Variants in PIK3C2G observed in about 807,000 individuals in gnomAD.
The protein encoded by PIK3C2G is phosphatidylinositol-4-phosphate 3-kinase catalytic subunit type 2 gamma.
In PIK3C2G, 168 loss-of-function variants were observed where a neutral mutation model predicts 181.1. The ratio of observed to expected loss-of-function variants is 0.93; its 90% CI spans 0.82 to 1.05. The LOEUF is 1.05. Among genes scored for constraint, PIK3C2G ranks in the 50% least tolerant of loss-of-function variants. The pLI is 0.00. For synonymous variants in PIK3C2G, 573 were observed against 592.2 expected, an observed-to-expected ratio of 0.97 and a Z score of 0.47; for missense variants, 1,869 against 1,732.8, an observed-to-expected ratio of 1.08 and a Z score of -1.40.
intron 5 of PIK3C2G, among the ~76,000 whole-genome samples, chr12:18,298,276 C>G (rs922023340): frequency 3.3e-5 from 5 of 151,758 alleles, no homozygotes; most frequent in Non-Finnish European, 7.4e-5. Context: ...GCTCTGATGA[C>G]TAGTGATTTG....
At chr12:18,705,443 C>A in the PIK3C2G span, 1 of 1,106,066 alleles carries the variant, frequency 9.0e-7, no homozygotes, top group South Asian at 1.4e-5. Context: ...AATAACTATT[C>A]TTTAAACTGA....
the PIK3C2G span, among the ~76,000 whole-genome samples, chr12:18,666,309 C>A: frequency 4.0e-5 from 6 of 151,854 alleles, no homozygotes; most frequent in Non-Finnish European, 5.9e-5. Context: ...TGGCAAAATG[C>A]ATTAAGAAGC....
intron 24 of PIK3C2G, among the ~76,000 whole-genome samples, chr12:18,525,526 A>T (rs1347497668): frequency 6.6e-6 from 1 of 152,152 alleles, no homozygotes; most frequent in Non-Finnish European, 1.5e-5. Context: ...TATTTCATCA[A>T]GTCATCCCTA....
intron 30 of PIK3C2G, among the ~76,000 whole-genome samples, chr12:18,602,940 C>G (rs921417690): frequency 9.2e-5 from 14 of 152,062 alleles, no homozygotes; most frequent in African/African-American, 1.4e-4. Context: ...GAAAACCAAC[C>G]CTGGTAATAT....
chr12:18,396,739 A>G (rs60827195), intron 15 of PIK3C2G, among the ~76,000 whole-genome samples: 2,395 of 151,696 alleles, frequency 0.016, 73 homozygotes, highest in African/African-American at 0.055. Flanking sequence ...AATTTTATTT[A>G]CAGAAAAGTG....
chr12:18,537,789 A>C (rs1022767098), intron 24 of PIK3C2G, among the ~76,000 whole-genome samples: 1 of 152,034 alleles, frequency 6.6e-6, no homozygotes, highest in African/African-American at 2.4e-5. Context: ...CTGTTCGATC[A>C]TATCAAAATT....
At chr12:18,309,249 T>C (rs1315550598) in intron 5 of PIK3C2G, among the ~76,000 whole-genome samples, 1 of 151,890 alleles carries the variant, frequency 6.6e-6, no homozygotes, top group Non-Finnish European at 1.5e-5. Flanking sequence ...GATTGTCATT[T>C]AGACAAATAT....
intron 18 of PIK3C2G, among the ~76,000 whole-genome samples, chr12:18,456,707 C>T (rs949364646): frequency 6.6e-6 from 1 of 152,128 alleles, no homozygotes; most frequent in African/African-American, 2.4e-5. Flanking sequence ...TTCCTATTGG[C>T]ACAGTTGTTG....
chr12:18,353,025 GCATGTTCTCA>G (rs1277881349), intron 11 of PIK3C2G, among the ~76,000 whole-genome samples: 2 of 152,172 alleles, frequency 1.3e-5, no homozygotes, highest in African/African-American at 4.8e-5. Flanking sequence ...AAACAGGAAT[GCATGTTCTCA>G]CTTTGGGCCG....
chr12:18,330,303 C>T (rs1324304126), intron 8 of PIK3C2G, among the ~76,000 whole-genome samples: 3 of 152,062 alleles, frequency 2.0e-5, no homozygotes, highest in Non-Finnish European at 2.9e-5. Flanking sequence ...TGCCCAACTG[C>T]GTCTTTACAG....
upstream of PIK3C2G, among the ~76,000 whole-genome samples, chr12:18,244,470 C>T (rs1460697049): frequency 6.6e-6 from 1 of 151,954 alleles, no homozygotes; most frequent in East Asian, 1.9e-4. Flanking sequence ...TTTTTCCGTA[C>T]TTTTGGTAGA....
At chr12:18,667,940 G>A in the PIK3C2G span, among the ~76,000 whole-genome samples, 1 of 151,884 alleles carries the variant, frequency 6.6e-6, no homozygotes, top group South Asian at 2.1e-4. Flanking sequence ...GGGGAGCAGG[G>A]GAAAACTTTG....
At chr12:18,579,791 GCT>G (rs986551399) in intron 29 of PIK3C2G, among the ~76,000 whole-genome samples, 2 of 151,834 alleles carry the variant, frequency 1.3e-5, no homozygotes, top group African/African-American at 2.4e-5. Flanking sequence ...TTAAAATTTT[GCT>G]CTGTTTTGGT....
At chr12:18,387,145 G>A (rs182895293) in intron 14 of PIK3C2G, among the ~76,000 whole-genome samples, 5 of 151,576 alleles carry the variant, frequency 3.3e-5, no homozygotes, top group Admixed American at 6.6e-5. Flanking sequence ...ACTCATATCC[G>A]GTCCATACTA....
the PIK3C2G span, among the ~76,000 whole-genome samples, chr12:18,689,856 C>T: frequency 6.6e-6 from 1 of 151,986 alleles, no homozygotes; most frequent in Non-Finnish European, 1.5e-5. Context: ...CTCTCTGATT[C>T]CCAAATCGTG....
chr12:18,636,651 A>G (rs1226230383), intron 31 of PIK3C2G, among the ~76,000 whole-genome samples: 2 of 152,180 alleles, frequency 1.3e-5, no homozygotes, highest in African/African-American at 2.4e-5. Flanking sequence ...TAGCAGCTGC[A>G]ATTGGAGTTA....
At chr12:18,432,895 A>G (rs1592246302) in intron 18 of PIK3C2G, among the ~76,000 whole-genome samples, 1 of 152,114 alleles carries the variant, frequency 6.6e-6, no homozygotes, top group Non-Finnish European at 1.5e-5. Context: ...TTCAACATCT[A>G]CTTTCAAAAA....
the PIK3C2G span, chr12:18,684,283 A>G: frequency 6.3e-7 from 1 of 1,597,214 alleles, no homozygotes; most frequent in Non-Finnish European, 8.6e-7. Flanking sequence ...CTAAAAGCTG[A>G]AATATAAAAA....
chr12:18,468,801 A>T (rs905533855), intron 18 of PIK3C2G, among the ~76,000 whole-genome samples: 5 of 151,672 alleles, frequency 3.3e-5, no homozygotes, highest in African/African-American at 7.3e-5. Flanking sequence ...TTACTTTTTT[A>T]AAAAAATATT....
Sources: allele counts gnomAD v4.1 joint callset (sites outside exome capture counted in the v4.1 genomes callset), GRCh38; gene constraint gnomAD v4.1.1; transcripts MANE v1.5; gene names NCBI Gene and HGNC (gene_info 2026-07-23, HGNC 2026-07-21).